The following FAM161A variants were observed in gnomAD, a reference collection of about 807,000 sequenced individuals.
The protein encoded by FAM161A is protein FAM161A.
In FAM161A, 57 loss-of-function variants were observed where a neutral mutation model predicts 70.9. The ratio of observed to expected loss-of-function variants is 0.80; its 90% CI spans 0.65 to 1.00. FAM161A has a LOEUF of 1.00. Among genes scored for constraint, FAM161A ranks in the 50% least tolerant of loss-of-function variants. The probability of loss-of-function intolerance (pLI) is 0.00; values close to 1 mark genes in which losing one functional copy is unlikely to be tolerated. For missense variants in FAM161A, 880 were observed against 836.0 expected (o/e 1.05, Z -0.65); for synonymous variants, 299 against 295.7 (o/e 1.01, Z -0.12).
chr2:61,820,617 T>TTTTTTGTATTATTC (rs1163585751), downstream of FAM161A: 9 of 633,470 alleles, frequency 1.4e-5, no homozygotes, highest in Non-Finnish European at 2.6e-5. Context: ...GGGGTTATTC[T>TTTTTTGTATTATTC]TTTTTGTATT....
Position 61,850,258 on chromosome 2 carries a change from T to C in FAM161A, c.183+3601A>G, listed in dbSNP as rs547922835. ...CTAAAAATACAAAATTAGCCGGGCG[T>C]GGTGGCACACGCCTGTAATCCCAGC... On this transcript the variant is annotated intron_variant, in intron 1 of 6. Transcript: ENST00000404929. 6.3e-3 allele frequency among the ~76,000 whole-genome samples: 957 copies of C among 151,842 alleles called. 4 individuals carry two copies. Among genetic ancestry groups the C allele is most frequent in the Middle Eastern group, 0.01 (3 of 292 alleles).
rs746659630 is a variant in FAM161A, at chr2:61,825,883, C to T, written c.*572G>A. The T allele has an allele frequency of 1.5e-5, 7 of 453,850 alleles. No individual in the cohort carries two copies. The highest frequency in any genetic ancestry group is 6.9e-4 in the Middle Eastern group (1 of 1,444). 28.1% of individuals were successfully genotyped at this position (453,850 alleles called of 1,614,324 possible). A position where few individuals can be genotyped will look rare whatever the true frequency, so the allele number is the denominator to read the frequency against. ...CGATCTCCTGACCTCGTGATCCACC[C>T]GTCTCGGCCTCCCAAAATGCTGGGA... On this transcript the variant is annotated 3_prime_UTR_variant, in exon 7 of 7. Coordinates refer to ENST00000404929, the MANE Select transcript of FAM161A (RefSeq NM_001201543.2).
intron 5 of FAM161A, among the ~76,000 whole-genome samples, chr2:61,833,646 G>C (rs1336774683): frequency 6.6e-6 from 1 of 152,132 alleles, no homozygotes; most frequent in Non-Finnish European, 1.5e-5. Flanking sequence ...AGTAGATAGA[G>C]TCTGTAATGA....
intron 1 of FAM161A, among the ~76,000 whole-genome samples, 179 bp downstream of exon 1, chr2:61,853,680 C>T (rs545192680): frequency 1.3e-5 from 2 of 152,274 alleles, no homozygotes; most frequent in South Asian, 2.1e-4. Context: ...TTCAACGCCT[C>T]GATTTAGAGT....
intron 1 of FAM161A, among the ~76,000 whole-genome samples, chr2:61,848,871 TA>T (rs1181912609): frequency 1.1e-4 from 3 of 28,364 alleles, no homozygotes; most frequent in African/African-American, 5.1e-4. Context: ...TTTATATATA[TA>T]TTTATATATA....
At chr2:61,823,312 G>A (rs188611664), downstream of FAM161A, among the ~76,000 whole-genome samples, 2 of 130,210 alleles carry the variant, frequency 1.5e-5, no homozygotes, top group East Asian at 2.3e-4. Flanking sequence ...CAGACTGGGC[G>A]ACAGAGTGAG....
chr2:61,829,556 G>T (rs1008849223), intron 5 of FAM161A, among the ~76,000 whole-genome samples: 5 of 152,178 alleles, frequency 3.3e-5, no homozygotes, highest in Non-Finnish European at 4.4e-5. Context: ...GAGCTGAAAG[G>T]AAGGGCAAAA....
At chr2:61,840,611 T>TC in intron 2 of FAM161A, 30 bp from the exon 3 acceptor site, 2 of 1,447,166 alleles carry the variant, frequency 1.4e-6, no homozygotes, top group Non-Finnish European at 1.9e-6. Context: ...ATGTTATACT[T>TC]TCAGTTGTAT....
At chr2:61,814,249 G>A in the FAM161A span, among the ~76,000 whole-genome samples, 1 of 152,162 alleles carries the variant, frequency 6.6e-6, no homozygotes, top group East Asian at 1.9e-4. Context: ...CATTTTCTCT[G>A]AGTTCCTAGG....
Position 61,853,871 on chromosome 2 carries a change from G to C in FAM161A, c.171C>G (p.Pro57=). Reference sequence around the variant, plus strand: ...GCCCCAGTATTACCGATGCCCCAGCGGGCTGAGCCACTTTCTCCTCCTCTT... The same window carrying C: ...GCCCCAGTATTACCGATGCCCCAGCCGGCTGAGCCACTTTCTCCTCCTCTT... ...EDEEEEKVAQ[P]AGASADLNTS... Residue 57 remains proline (P), a synonymous_variant, in exon 1 of 7, where the codon CCC becomes CCG. Coordinates refer to ENST00000404929, the MANE Select transcript of FAM161A (RefSeq NM_001201543.2). 6.2e-7 allele frequency: 1 copy of C among 1,613,922 alleles called. No individual in the cohort carries two copies. The highest frequency in any genetic ancestry group is 8.5e-7 in the Non-Finnish European group (1 of 1,179,826).
intron 1 of FAM161A, among the ~76,000 whole-genome samples, chr2:61,845,628 G>A (rs558301898): frequency 6.6e-6 from 1 of 152,096 alleles, no homozygotes; most frequent in East Asian, 1.9e-4. Context: ...TTCCAGACCA[G>A]CCTGGGCAAC....
downstream of FAM161A, among the ~76,000 whole-genome samples, chr2:61,822,248 T>C (rs1261650488): frequency 2.0e-5 from 3 of 151,882 alleles, no homozygotes; most frequent in African/African-American, 4.8e-5. Context: ...CTGGGCAACA[T>C]AGCGAGACGC....
chr2:61,813,704 G>C, the FAM161A span, among the ~76,000 whole-genome samples: 4 of 137,362 alleles, frequency 2.9e-5, no homozygotes, highest in Non-Finnish European at 6.1e-5. Context: ...GCGTGACAGA[G>C]CAAGACCCTG....
At chr2:61,820,628 A>G, downstream of FAM161A, 1 of 599,264 alleles carries the variant, frequency 1.7e-6, no homozygotes, top group Non-Finnish European at 3.0e-6. Flanking sequence ...TTTTTGTATT[A>G]TTCTTTTTGT....
At chr2:61,813,730 A>AG in the FAM161A span, among the ~76,000 whole-genome samples, 2 of 149,352 alleles carry the variant, frequency 1.3e-5, no homozygotes, top group South Asian at 2.1e-4. Flanking sequence ...AAAAAAAAAA[A>AG]AAAAAGAAAA....
In FAM161A at chr2:61,824,971, T is replaced by C; in HGVS notation, c.*1484A>G. On this transcript the variant is annotated 3_prime_UTR_variant, in exon 7 of 7. Coordinates refer to ENST00000404929, the MANE Select transcript of FAM161A (RefSeq NM_001201543.2). Reference sequence around the variant, plus strand: ...GCCAAATCCCAAGGAGTTTACAATATAATAATAGTAAAAAGTAATTTAACA... The same window carrying C: ...GCCAAATCCCAAGGAGTTTACAATACAATAATAGTAAAAAGTAATTTAACA... 1 of 453,228 alleles carries C rather than the reference T, an allele frequency of 2.2e-6. No homozygotes were observed. Among genetic ancestry groups the C allele is most frequent in the Non-Finnish European group, 4.4e-6 (1 of 226,634 alleles). 28.1% of individuals were successfully genotyped at this position (453,228 alleles called of 1,614,324 possible). A position where few individuals can be genotyped will look rare whatever the true frequency, so the allele number is the denominator to read the frequency against.
chr2:61,815,535 C>CTTTTTTTTTTTTTTTTTTTTTT, the FAM161A span, among the ~76,000 whole-genome samples: 1 of 53,210 alleles, frequency 1.9e-5, no homozygotes, highest in Non-Finnish European at 3.2e-5. Context: ...AAAGATGTGT[C>CTTTTTTTTTTTTTTTTTTTTTT]TTTTTTTTTT....
chr2:61,833,710 G>A (rs1325567548), intron 5 of FAM161A, among the ~76,000 whole-genome samples: 3 of 148,740 alleles, frequency 2.0e-5, no homozygotes, highest in Non-Finnish European at 4.4e-5. Context: ...ATACCACTTT[G>A]TACCCACTAG....
chr2:61,839,487 G>A lies in FAM161A; in HGVS notation c.1517C>T (p.Pro506Leu). The change falls in exon 3 of 7, where the codon CCT (proline) becomes CTT (leucine). Residue 506 changes from proline to leucine, a missense_variant. Pro to Leu is a moderately conservative substitution (Grantham distance 98). Transcript: ENST00000404929. ...KSPVRCAGVN[P>L]VPCNCNPPVP... ...GGGAGGGTTGCAGTTACAAGGCACA[G>A]GGTTTACACCTGCACATCTTACTGG... 6.2e-7 allele frequency: 1 copy of A among 1,614,222 alleles called. No individual in the cohort carries two copies. Among genetic ancestry groups the A allele is most frequent in the Non-Finnish European group, 8.5e-7 (1 of 1,180,044 alleles).
Sources: allele counts gnomAD v4.1 joint callset (sites outside exome capture counted in the v4.1 genomes callset), GRCh38; gene constraint gnomAD v4.1.1; transcripts MANE v1.5; gene names NCBI Gene and HGNC (gene_info 2026-07-23, HGNC 2026-07-21).